The following ROBO2 variants were observed in gnomAD, a reference collection of about 807,000 sequenced individuals.
ROBO2 encodes the protein roundabout homolog 2.
Under a neutral mutation model 160.8 loss-of-function variants are expected in ROBO2, and 53 were observed. That is an observed-to-expected ratio of 0.33 (90% CI 0.26 to 0.41). The LOEUF (loss-of-function observed/expected upper bound fraction) is 0.41. Ranked by LOEUF, ROBO2 falls within the 10% of genes least tolerant of loss-of-function variation. ROBO2 has a pLI of 1.00. For missense variants in ROBO2, 1,577 were observed against 1,722.4 expected (o/e 0.92, Z 1.49); for synonymous variants, 664 against 611.7 (o/e 1.09, Z -1.26).
intron 12 of ROBO2, among the ~76,000 whole-genome samples, chr3:77,566,843 T>C (rs190309550): frequency 6.6e-6 from 1 of 152,062 alleles, no homozygotes; most frequent in African/African-American, 2.4e-5. Flanking sequence ...TACCATACTT[T>C]CAGCAGCTTT....
At chr3:75,999,031 T>TGGTA (rs2065807902) in intron 2 of ROBO2, among the ~76,000 whole-genome samples, 1 of 152,160 alleles carries the variant, frequency 6.6e-6, no homozygotes, top group Non-Finnish European at 1.5e-5. Context: ...TCCTTGGAGG[T>TGGTA]GGTAGAGTGT....
chr3:77,500,185 A>G (rs1354031749), intron 5 of ROBO2, among the ~76,000 whole-genome samples: 2 of 152,200 alleles, frequency 1.3e-5, no homozygotes, highest in Non-Finnish European at 1.5e-5. Flanking sequence ...AAAAGCAAGT[A>G]TTTAGGGAGG....
At chr3:77,120,039 A>T (rs997558306) in intron 2 of ROBO2, among the ~76,000 whole-genome samples, 7 of 152,230 alleles carry the variant, frequency 4.6e-5, no homozygotes, top group African/African-American at 1.7e-4. Flanking sequence ...TTAAGCATGA[A>T]TTATTTTCTT....
chr3:77,322,292 T>A (rs1025919600), intron 2 of ROBO2, among the ~76,000 whole-genome samples: 10 of 152,150 alleles, frequency 6.6e-5, no homozygotes, highest in African/African-American at 2.4e-4. Flanking sequence ...TGTTTGACAC[T>A]GTATTGTATG....
At chr3:77,507,808 T>C (rs1241666719) in intron 5 of ROBO2, among the ~76,000 whole-genome samples, 1 of 152,128 alleles carries the variant, frequency 6.6e-6, no homozygotes, top group Non-Finnish European at 1.5e-5. Context: ...AGTTGTAATA[T>C]ATTTGTATTT....
intron 2 of ROBO2, among the ~76,000 whole-genome samples, chr3:76,948,875 TATATA>T (rs1375027268): frequency 4.3e-5 from 2 of 46,258 alleles, no homozygotes; most frequent in African/African-American, 1.2e-4. Flanking sequence ...CGGCTAATTT[TATATA>T]TATATATATA....
intron 2 of ROBO2, among the ~76,000 whole-genome samples, chr3:77,459,824 T>A (rs897449252): frequency 6.6e-6 from 1 of 150,814 alleles, no homozygotes; most frequent in Non-Finnish European, 1.5e-5. Flanking sequence ...AAGGCCAGCA[T>A]GGTTGGGAAG....
At chr3:77,587,754 C>T (rs2094089736) in intron 16 of ROBO2, among the ~76,000 whole-genome samples, 1 of 152,028 alleles carries the variant, frequency 6.6e-6, no homozygotes, top group African/African-American at 2.4e-5. Flanking sequence ...CCACACATTC[C>T]TTTGATGTGA....
At chr3:77,190,680 G>T (rs1410913002) in intron 2 of ROBO2, among the ~76,000 whole-genome samples, 1 of 151,982 alleles carries the variant, frequency 6.6e-6, no homozygotes, top group African/African-American at 2.4e-5. Flanking sequence ...TTTTTTAAAA[G>T]AACATGCCTT....
chr3:76,886,910 A>G (rs991071800), intron 2 of ROBO2, among the ~76,000 whole-genome samples: 27 of 152,212 alleles, frequency 1.8e-4, no homozygotes, highest in Non-Finnish European at 5.9e-5. Flanking sequence ...CATTAGCCAC[A>G]TTCGAAGTGT....
chr3:76,732,162 T>C (rs774606), intron 2 of ROBO2, among the ~76,000 whole-genome samples: 129,108 of 152,006 alleles, frequency 0.85, 54,996 homozygotes, highest in African/African-American at 0.89. Context: ...AGTGAACCCC[T>C]GAGATTATTT....
intron 2 of ROBO2, among the ~76,000 whole-genome samples, chr3:77,144,744 G>A (rs1466567337): frequency 1.3e-5 from 2 of 152,184 alleles, no homozygotes; most frequent in Admixed American, 6.5e-5. Flanking sequence ...CTGACTGGGA[G>A]AAGGAGGTGT....
chr3:77,382,682 A>G (rs1374123629), intron 2 of ROBO2, among the ~76,000 whole-genome samples: 4 of 152,130 alleles, frequency 2.6e-5, no homozygotes, highest in Non-Finnish European at 4.4e-5. Context: ...TTGGTTTTTC[A>G]TTTCTGAGTT....
At chr3:77,042,561 A>G (rs2064203934) in intron 1 of ROBO2, among the ~76,000 whole-genome samples, 1 of 152,200 alleles carries the variant, frequency 6.6e-6, no homozygotes, top group South Asian at 2.1e-4. Context: ...ACAGGAAATC[A>G]GAAGAGCTTG....
intron 5 of ROBO2, among the ~76,000 whole-genome samples, chr3:77,493,604 T>C (rs2086410921): frequency 6.6e-6 from 1 of 152,184 alleles, no homozygotes; most frequent in Non-Finnish European, 1.5e-5. Context: ...GCTTGATTCT[T>C]CATTCCACCT....
At chr3:76,833,180 C>T (rs2067234019) in intron 2 of ROBO2, among the ~76,000 whole-genome samples, 1 of 152,100 alleles carries the variant, frequency 6.6e-6, no homozygotes, top group Non-Finnish European at 1.5e-5. Context: ...TTTCAGTTCC[C>T]TCATTCAGAA....
At chr3:76,479,243 A>G (rs1420558580) in intron 2 of ROBO2, among the ~76,000 whole-genome samples, 1 of 152,168 alleles carries the variant, frequency 6.6e-6, no homozygotes, top group Non-Finnish European at 1.5e-5. Flanking sequence ...TGGGAATTCT[A>G]TAACGTTACA....
chr3:77,291,099 C>T (rs1421514779), intron 2 of ROBO2, among the ~76,000 whole-genome samples: 100 of 146,312 alleles, frequency 6.8e-4, no homozygotes, highest in Non-Finnish European at 6.3e-4. Context: ...GACGGGTAAA[C>T]GGGTAAGCTG....
In ROBO2 at chr3:76,571,772, A is replaced by G. The variant is rs537879137; in HGVS notation, c.110-526242A>G. ...CTGATTTCTCCATTTTATGTACAGGAAAAAAAATGTCACATTTTAGAAGGC... is the reference window on the plus strand; with the variant it reads ...CTGATTTCTCCATTTTATGTACAGGGAAAAAAATGTCACATTTTAGAAGGC... On this transcript the variant is annotated intron_variant, in intron 2 of 26. Coordinates refer to the ROBO2 transcript ENST00000487694. Among the ~76,000 whole-genome samples the G allele has an allele frequency of 7.9e-4, 120 of 152,038 alleles. 1 individual carries two copies. The highest frequency in any genetic ancestry group is 2.8e-3 in the African/African-American group (115 of 41,508).
Sources: gnomAD v4.1 joint callset for allele counts (sites outside exome capture counted in the v4.1 genomes callset) on GRCh38, gnomAD v4.1.1 for gene constraint, MANE v1.5 for transcripts, NCBI Gene and HGNC (gene_info 2026-07-23, HGNC 2026-07-21) for gene names.